ARHGAP15: variants seen among roughly 807,000 people sequenced by gnomAD.
ARHGAP15 encodes the protein Rho GTPase activating protein 15.
Under a neutral mutation model 63.7 loss-of-function variants are expected in ARHGAP15, and 51 were observed. That is an observed-to-expected ratio of 0.80 (90% CI 0.64 to 1.01). The LOEUF (loss-of-function observed/expected upper bound fraction) is 1.01. Among genes scored for constraint, ARHGAP15 ranks in the 50% least tolerant of loss-of-function variants. The pLI is 0.00. For missense variants in ARHGAP15, 560 were observed against 564.6 expected (o/e 0.99, Z 0.08); for synonymous variants, 191 against 193.8 (o/e 0.99, Z 0.12).
chr2:143,484,417 A>G (rs894485963), intron 8 of ARHGAP15, among the ~76,000 whole-genome samples: 2 of 151,766 alleles, frequency 1.3e-5, no homozygotes, highest in African/African-American at 4.8e-5. Context: ...CTGTAATCCC[A>G]GCTACTCGGG....
chr2:143,599,649 G>A (rs1290780704), intron 11 of ARHGAP15, among the ~76,000 whole-genome samples: 1 of 152,110 alleles, frequency 6.6e-6, no homozygotes, highest in Non-Finnish European at 1.5e-5. Context: ...AACCAGAAAT[G>A]TATGTCTCAG....
intron 13 of ARHGAP15, among the ~76,000 whole-genome samples, chr2:143,743,348 G>A (rs1686032670): frequency 6.6e-6 from 1 of 152,104 alleles, no homozygotes; most frequent in African/African-American, 2.4e-5. Context: ...CCTTTAGAAG[G>A]GGGCTTCCCA....
intron 6 of ARHGAP15, among the ~76,000 whole-genome samples, chr2:143,417,377 T>C (rs1235656345): frequency 6.6e-6 from 1 of 152,200 alleles, no homozygotes; most frequent in Non-Finnish European, 1.5e-5. Flanking sequence ...TTGAAGAGTT[T>C]CTCTTATTTC....
chr2:143,413,966 T>TGTGTGTGTGTGTGCGCGCGC, intron 6 of ARHGAP15, among the ~76,000 whole-genome samples: 20 of 117,922 alleles, frequency 1.7e-4, no homozygotes, highest in African/African-American at 7.1e-4. Flanking sequence ...TGTGTGTGTG[T>TGTGTGTGTGTGTGCGCGCGC]GCGCGCTCTC....
intron 2 of ARHGAP15, among the ~76,000 whole-genome samples, chr2:143,171,745 G>C (rs1690789937): frequency 6.6e-6 from 1 of 152,030 alleles, no homozygotes; most frequent in Non-Finnish European, 1.5e-5. Context: ...TTCAGTCCAG[G>C]AATGGTCACA....
chr2:143,154,534 A>C (rs757073096), intron 1 of ARHGAP15, among the ~76,000 whole-genome samples: 5 of 151,904 alleles, frequency 3.3e-5, no homozygotes, highest in African/African-American at 1.2e-4. Context: ...TAGGATGTCT[A>C]TTAGGTTAGA....
chr2:143,363,488 C>A (rs1686153652), intron 6 of ARHGAP15, among the ~76,000 whole-genome samples: 1 of 152,156 alleles, frequency 6.6e-6, no homozygotes, highest in South Asian at 2.1e-4. Flanking sequence ...GAGCAAGACT[C>A]TGTCTTCAGA....
At chr2:143,152,509 C>G (rs772941930) in intron 1 of ARHGAP15, among the ~76,000 whole-genome samples, 2 of 151,978 alleles carry the variant, frequency 1.3e-5, no homozygotes, top group Non-Finnish European at 2.9e-5. Context: ...CTCTATTGCC[C>G]TCACCAAACT....
At chr2:143,397,318 G>A (rs1489288523) in intron 6 of ARHGAP15, among the ~76,000 whole-genome samples, 29 of 69,996 alleles carry the variant, frequency 4.1e-4, no homozygotes, top group African/African-American at 8.3e-4. Flanking sequence ...AGATATGTAT[G>A]TGTGTGTGTG....
At chr2:143,506,097 C>T (rs765224785) in intron 9 of ARHGAP15, among the ~76,000 whole-genome samples, 21 of 152,152 alleles carry the variant, frequency 1.4e-4, no homozygotes, top group Non-Finnish European at 2.4e-4. Context: ...AAATTGAAGT[C>T]GTACCACCTG....
intron 6 of ARHGAP15, among the ~76,000 whole-genome samples, chr2:143,323,482 A>T (rs1035687221): frequency 6.6e-6 from 1 of 152,224 alleles, no homozygotes. Context: ...CAAAACTATA[A>T]ACACTTCGGA....
At chr2:143,695,851 G>C (rs558289347) in intron 12 of ARHGAP15, among the ~76,000 whole-genome samples, 34 of 145,454 alleles carry the variant, frequency 2.3e-4, no homozygotes, top group African/African-American at 8.4e-4. Context: ...GACAGGGACA[G>C]ACCTTGTCTA....
chr2:143,146,611 GCACA>G (rs151062386), intron 1 of ARHGAP15, among the ~76,000 whole-genome samples: 1 of 151,066 alleles, frequency 6.6e-6, no homozygotes. Flanking sequence ...ACATAGGCAT[GCACA>G]CACACACACA....
chr2:143,501,088 A>T (rs898189513), intron 9 of ARHGAP15, among the ~76,000 whole-genome samples: 1 of 152,222 alleles, frequency 6.6e-6, no homozygotes, highest in Non-Finnish European at 1.5e-5. Flanking sequence ...CAGTAAAGGA[A>T]TCTTTCACAT....
At chr2:143,131,694 G>A (rs1322468896) in intron 1 of ARHGAP15, among the ~76,000 whole-genome samples, 3 of 152,154 alleles carry the variant, frequency 2.0e-5, no homozygotes, top group Non-Finnish European at 4.4e-5. Context: ...ATAGGAGAAG[G>A]CTACAGAGCT....
intron 8 of ARHGAP15, among the ~76,000 whole-genome samples, chr2:143,468,633 TGAGAGA>T (rs60106286): frequency 2.6e-3 from 355 of 135,036 alleles, no homozygotes; most frequent in Non-Finnish European, 3.7e-3. Context: ...GGTTTCTTTG[TGAGAGA>T]GAGAGAGAGA....
chr2:143,336,521 T>A (rs1227852237), intron 6 of ARHGAP15, among the ~76,000 whole-genome samples: 1 of 151,916 alleles, frequency 6.6e-6, no homozygotes, highest in Non-Finnish European at 1.5e-5. Flanking sequence ...TAATAACTGA[T>A]TTTCAAATTA....
At chr2:143,275,207 T>A (rs1574196022) in intron 6 of ARHGAP15, among the ~76,000 whole-genome samples, 1 of 151,992 alleles carries the variant, frequency 6.6e-6, no homozygotes, top group South Asian at 2.1e-4. Context: ...AAGGCAATTA[T>A]CTTGATGGGG....
intron 11 of ARHGAP15, among the ~76,000 whole-genome samples, chr2:143,574,854 G>C (rs1343311307): frequency 6.6e-6 from 1 of 152,060 alleles, no homozygotes; most frequent in Non-Finnish European, 1.5e-5. Flanking sequence ...AGAATCCTTT[G>C]CAGTGTAAAC....
Sources: gnomAD v4.1 joint callset for allele counts (sites outside exome capture counted in the v4.1 genomes callset) on GRCh38, gnomAD v4.1.1 for gene constraint, MANE v1.5 for transcripts, NCBI Gene and HGNC (gene_info 2026-07-23, HGNC 2026-07-21) for gene names.